The following FREM2 variants were observed in gnomAD, a reference collection of about 807,000 sequenced individuals.
FREM2 encodes FRAS1 related extracellular matrix 2, also known as FRAS1-related extracellular matrix protein 2.
FREM2 carries 119 observed loss-of-function variants against 219.9 expected under a neutral mutation model. That is an observed-to-expected ratio of 0.54 (90% CI 0.47 to 0.63). The LOEUF (loss-of-function observed/expected upper bound fraction) is 0.63, where lower values mean the gene tolerates loss of function less well. FREM2 is among the 30% of genes least tolerant of loss of function. The pLI is 0.00. For missense variants in FREM2, 4,030 were observed against 3,993.6 expected (o/e 1.01, Z -0.25); for synonymous variants, 1,562 against 1,522.8 (o/e 1.03, Z -0.60).
In FREM2 at chr13:38,693,378, C is replaced by T. The variant is rs112683688; in HGVS notation, c.5173+861C>T. On this transcript the variant is annotated intron_variant, in intron 1 of 23. Coordinates refer to ENST00000280481, the MANE Select transcript of FREM2 (RefSeq NM_207361.6). Reference sequence around the variant, plus strand: ...ACACAGTGACAAAAAACAGTTGCTTCAGGCACCTGCGGTCTTTAGGCAACA... The same window carrying T: ...ACACAGTGACAAAAAACAGTTGCTTTAGGCACCTGCGGTCTTTAGGCAACA... Among the ~76,000 whole-genome samples the T allele has an allele frequency of 8.7e-3, 1,319 of 152,356 alleles. 9 individuals carry two copies. Among genetic ancestry groups the T allele is most frequent in the Non-Finnish European group, 0.014 (930 of 68,032 alleles).
In FREM2 at chr13:38,687,277, T is replaced by C; in HGVS notation, c.-68T>C. Reference sequence around the variant, plus strand: ...CCTGGCACTTCCCGGCGGTGTCTCTTGTTGTCTGCCCGGGGACCGACTTCG... The same window carrying C: ...CCTGGCACTTCCCGGCGGTGTCTCTCGTTGTCTGCCCGGGGACCGACTTCG... On this transcript the variant is annotated 5_prime_UTR_variant, in exon 1 of 24. Coordinates refer to ENST00000280481, the MANE Select transcript of FREM2 (RefSeq NM_207361.6). 4.5e-6 allele frequency: 7 copies of C among 1,549,934 alleles called. No homozygotes were observed.
At chr13:38,855,774 A>G (rs1593447946) in intron 11 of FREM2, among the ~76,000 whole-genome samples, 3 of 152,254 alleles carry the variant, frequency 2.0e-5, no homozygotes, top group African/African-American at 4.8e-5. Context: ...CAAATTGGGT[A>G]CAGTGTATAC....
At chr13:38,788,960 A>G (rs976993431) in intron 6 of FREM2, among the ~76,000 whole-genome samples, 1 of 152,032 alleles carries the variant, frequency 6.6e-6, no homozygotes, top group Admixed American at 6.6e-5. Flanking sequence ...GCATTTTTAG[A>G]TTTACTAGTG....
At position 38,721,241 on chromosome 13, in the gene FREM2, G is replaced by A. The variant is rs2138107878; in HGVS notation, c.5263+23454G>A. Among the ~76,000 whole-genome samples the A allele has an allele frequency of 1.3e-5, 2 of 152,294 alleles. 1 individual carries two copies. Among genetic ancestry groups the A allele is most frequent in the South Asian group, 4.1e-4 (2 of 4,824 alleles). ...AGAGGCAGAAAAAAAAATATTGTCA[G>A]CTGACAGTGACATTGAAACTAAGTC... On this transcript the variant is annotated intron_variant, in intron 2 of 23. Transcript: ENST00000280481.
Position 38,687,128 on chromosome 13 carries a change from TG to T in FREM2, c.-215del. On this transcript the variant is annotated 5_prime_UTR_variant, in exon 1 of 24. Transcript: ENST00000280481. The stretch of plus-strand genomic sequence containing the variant: ...GCGATTGAGGCGCTAGCGGCGGAGC[TG>T]GACGGCCTGGGAAGGCTTCGGCTCC... 1 of 614,788 alleles carries T rather than the reference TG, an allele frequency of 1.6e-6. No individual in the cohort carries two copies. 38.1% of individuals were successfully genotyped at this position (614,788 alleles called of 1,614,324 possible). A position where few individuals can be genotyped will look rare whatever the true frequency, so the allele number is the denominator to read the frequency against.
chr13:38,876,441 A>T, intron 20 of FREM2, 59 bp downstream of exon 20: 3 of 1,364,454 alleles, frequency 2.2e-6, no homozygotes, highest in Non-Finnish European at 3.1e-6. Context: ...TTTTTCATTT[A>T]TTAGTAAAAA....
chr13:38,731,203 G>A (rs936893612), intron 2 of FREM2, among the ~76,000 whole-genome samples: 5 of 152,200 alleles, frequency 3.3e-5, no homozygotes, highest in Admixed American at 2.6e-4. Context: ...AGCCTGTGAG[G>A]AAATAGATAT....
intron 2 of FREM2, among the ~76,000 whole-genome samples, chr13:38,728,497 C>T (rs1871622526): frequency 6.6e-6 from 1 of 151,926 alleles, no homozygotes; most frequent in Non-Finnish European, 1.5e-5. Context: ...CCTCCACTTC[C>T]CATACACAAG....
At chr13:38,801,062 G>A (rs1165289748) in intron 6 of FREM2, among the ~76,000 whole-genome samples, 1 of 152,106 alleles carries the variant, frequency 6.6e-6, no homozygotes, top group East Asian at 1.9e-4. Flanking sequence ...TGTCTGACTG[G>A]ATTATTTTAA....
Position 38,690,436 on chromosome 13 carries a change from C to A in FREM2, c.3092C>A (p.Ser1031Tyr). The change falls in exon 1 of 24, where the codon TCT becomes TAT. Residue 1031 changes from serine (S) to tyrosine (Y), a missense_variant. Ser to Tyr is a moderately radical substitution (Grantham distance 144). Around this residue, in one of 2 missense-constraint regions of FREM2, gnomAD observed 3,102 missense variants for 2,950.7 expected, o/e 1.05. Coordinates refer to ENST00000280481, the MANE Select transcript of FREM2 (RefSeq NM_207361.6). Reference sequence around the variant, plus strand: ...ATAGGCCTATTGCCTAAAGCGGATTCTTTTAACCTGAGTCTGTCAGATATG... The same window carrying A: ...ATAGGCCTATTGCCTAAAGCGGATTATTTTAACCTGAGTCTGTCAGATATG... ...GEIGLLPKAD[S>Y]FNLSLSDMSQ... 4 of 1,614,202 alleles carry A rather than the reference C, an allele frequency of 2.5e-6. No homozygotes were observed. In the South Asian group the frequency reaches 4.4e-5, roughly 18 times the overall value.
At chr13:38,771,422 A>G (rs892492918) in intron 4 of FREM2, among the ~76,000 whole-genome samples, 1 of 152,114 alleles carries the variant, frequency 6.6e-6, no homozygotes, top group Non-Finnish European at 1.5e-5. Context: ...AACTAGTACA[A>G]TTGCCGTATT....
At chr13:38,840,073 G>T (rs1876887178) in intron 6 of FREM2, among the ~76,000 whole-genome samples, 1 of 152,144 alleles carries the variant, frequency 6.6e-6, no homozygotes, top group African/African-American at 2.4e-5. Context: ...GAAACTCAGG[G>T]CCCTGGTGGT....
chr13:38,723,421 C>T (rs968307842), intron 2 of FREM2, among the ~76,000 whole-genome samples: 8 of 151,988 alleles, frequency 5.3e-5, no homozygotes, highest in Admixed American at 4.6e-4. Context: ...CTTTCCCTTG[C>T]CCCTGCTTAT....
At chr13:38,734,167 A>AC (rs1335831415) in intron 2 of FREM2, among the ~76,000 whole-genome samples, 3 of 146,764 alleles carry the variant, frequency 2.0e-5, no homozygotes, top group African/African-American at 5.1e-5. Flanking sequence ...GCACACACAC[A>AC]AAAAAAAAAG....
chr13:38,816,756 C>A (rs1875785341), intron 6 of FREM2, among the ~76,000 whole-genome samples: 1 of 152,042 alleles, frequency 6.6e-6, no homozygotes, highest in Non-Finnish European at 1.5e-5. Flanking sequence ...AAATAAAAGG[C>A]ATTCAAATTT....
At chr13:38,713,203 C>T (rs181772624) in intron 2 of FREM2, among the ~76,000 whole-genome samples, 1 of 152,296 alleles carries the variant, frequency 6.6e-6, no homozygotes, top group East Asian at 1.9e-4. Flanking sequence ...GAAGTCTTTG[C>T]ATTTGTAAAT....
chr13:38,833,269 C>G (rs1876581592), intron 6 of FREM2, among the ~76,000 whole-genome samples: 1 of 152,110 alleles, frequency 6.6e-6, no homozygotes, highest in South Asian at 2.1e-4. Flanking sequence ...ATAAAGCTAA[C>G]AACTTTTAAA....
intron 2 of FREM2, among the ~76,000 whole-genome samples, chr13:38,746,296 G>T (rs1303229005): frequency 6.6e-6 from 1 of 152,108 alleles, no homozygotes; most frequent in African/African-American, 2.4e-5. Context: ...ACACAATGAG[G>T]CTACTATTCA....
chr13:38,817,585 A>T (rs4381466), intron 6 of FREM2, among the ~76,000 whole-genome samples: 2 of 151,936 alleles, frequency 1.3e-5, no homozygotes, highest in Non-Finnish European at 2.9e-5. Flanking sequence ...TAAGGATCTT[A>T]GTGTAAAATC....
Sources: allele counts gnomAD v4.1 joint callset (sites outside exome capture counted in the v4.1 genomes callset), GRCh38; gene constraint gnomAD v4.1.1; regional missense constraint gnomAD v4.1.1; transcripts MANE v1.5; gene names NCBI Gene and HGNC (gene_info 2026-07-23, HGNC 2026-07-21).